WWOX: variants seen among roughly 807,000 people sequenced by gnomAD.
WWOX encodes the protein WW domain-containing oxidoreductase.
A neutral mutation model predicts 46.2 loss-of-function variants in WWOX; 69 were observed. The ratio of observed to expected loss-of-function variants is 1.49; its 90% confidence interval spans 1.23 to 1.82. The LOEUF (loss-of-function observed/expected upper bound fraction) is 1.82. WWOX is among the 40% of genes most tolerant of loss of function. WWOX has a pLI of 0.00. For synonymous variants in WWOX, 359 were observed against 202.6 expected (o/e 1.77, Z -6.56); for missense variants, 919 against 542.6 (o/e 1.69, Z -6.89).
intron 5 of WWOX, among the ~76,000 whole-genome samples, chr16:78,308,390 C>CT (rs1334006584): frequency 2.0e-5 from 3 of 152,116 alleles, no homozygotes; most frequent in Non-Finnish European, 2.9e-5. Flanking sequence ...TTATACCCTT[C>CT]TTTTTTTGGA....
chr16:78,620,715 C>T (rs753654027), intron 8 of WWOX, among the ~76,000 whole-genome samples: 26 of 152,060 alleles, frequency 1.7e-4, no homozygotes, highest in African/African-American at 4.6e-4. Context: ...TTTTGCACAG[C>T]GATGGGTTAG....
At chr16:78,880,394 G>A (rs2044318861) in intron 8 of WWOX, among the ~76,000 whole-genome samples, 1 of 152,144 alleles carries the variant, frequency 6.6e-6, no homozygotes, top group South Asian at 2.1e-4. Context: ...AGCCCTCCGG[G>A]AATTATGCGA....
chr16:78,303,490 C>T (rs543865787), intron 5 of WWOX, among the ~76,000 whole-genome samples: 4 of 152,202 alleles, frequency 2.6e-5, no homozygotes, highest in African/African-American at 9.6e-5. Context: ...CTCCACTTTT[C>T]AAATTTTCAC....
intron 8 of WWOX, among the ~76,000 whole-genome samples, chr16:78,726,872 G>C (rs181748258): frequency 6.6e-6 from 1 of 152,286 alleles, no homozygotes; most frequent in Admixed American, 6.5e-5. Flanking sequence ...GAGGGGAGCT[G>C]AGTCGGGAGT....
In WWOX at chr16:78,201,682, T is replaced by C. The variant is rs540295783; in HGVS notation, c.516+37393T>C. On this transcript the variant is annotated intron_variant, in intron 5 of 8. Coordinates refer to ENST00000566780, the MANE Select transcript of WWOX (RefSeq NM_016373.4). Reference sequence around the variant, plus strand: ...CACTGGGCATTCCTTGGATTATTTATTTATTTATTTATTTATTTATTTATT... The same window carrying C: ...CACTGGGCATTCCTTGGATTATTTACTTATTTATTTATTTATTTATTTATT... Among the ~76,000 whole-genome samples, 9 of 106,010 alleles carry C rather than the reference T, an allele frequency of 8.5e-5. No homozygotes were observed. In the East Asian group the frequency reaches 2.4e-3, roughly 29 times the overall value. 69.5% of individuals were successfully genotyped at this position (106,010 alleles called of 152,430 possible).
chr16:79,041,149 A>G (rs943225796), intron 8 of WWOX, among the ~76,000 whole-genome samples: 10 of 152,152 alleles, frequency 6.6e-5, no homozygotes, highest in Non-Finnish European at 1.5e-4. Flanking sequence ...TCTCTGACAC[A>G]ATACAGATAT....
intron 8 of WWOX, among the ~76,000 whole-genome samples, chr16:78,913,660 G>GT (rs112963247): frequency 0.14 from 20,769 of 146,672 alleles, 1,703 homozygotes; most frequent in South Asian, 0.21. Context: ...TACTGCTACA[G>GT]TTTTTTTTTT....
In WWOX at chr16:78,235,361, C is replaced by T. The variant is rs113357945; in HGVS notation, c.516+71072C>T. 5.9e-3 allele frequency among the ~76,000 whole-genome samples: 902 copies of T among 152,230 alleles called. 12 individuals are homozygous for T. The highest frequency in any genetic ancestry group is 0.02 in the African/African-American group (846 of 41,532). Reference sequence around the variant, plus strand: ...TGTTGTCTGGTGGAGGGAAACAAGCCTGCCAGGCCGGCTCATCTGACCCCT... The same window carrying T: ...TGTTGTCTGGTGGAGGGAAACAAGCTTGCCAGGCCGGCTCATCTGACCCCT... On this transcript the variant is annotated intron_variant, in intron 5 of 8. Coordinates refer to ENST00000566780, the MANE Select transcript of WWOX (RefSeq NM_016373.4).
intron 6 of WWOX, among the ~76,000 whole-genome samples, chr16:78,424,430 C>A (rs1371426084): frequency 6.6e-6 from 1 of 152,236 alleles, no homozygotes. Flanking sequence ...CTGTGTCAGC[C>A]TTTTTAACAG....
Position 78,808,715 on chromosome 16 carries a change from T to G in WWOX, c.1056+375963T>G, listed in dbSNP as rs2051106958. ...TAGTCCTCACACTAGATTGAGTGGT[T>G]CCATATTAATATCCTACGTCAAAGA... On this transcript the variant is annotated intron_variant, in intron 8 of 8. Coordinates refer to ENST00000566780, the MANE Select transcript of WWOX (RefSeq NM_016373.4). Among the ~76,000 whole-genome samples the G allele has an allele frequency of 3.9e-5, 6 of 152,304 alleles. No individual in the cohort carries two copies. In the South Asian group the frequency reaches 1.2e-3, roughly 32 times the overall value.
At chr16:78,718,176 G>C (rs1391600909) in intron 8 of WWOX, among the ~76,000 whole-genome samples, 3 of 150,588 alleles carry the variant, frequency 2.0e-5, no homozygotes, top group African/African-American at 7.4e-5. Flanking sequence ...GGCTGCCCAA[G>C]TTATTATTTT....
chr16:78,806,445 C>G (rs979179797), intron 8 of WWOX, among the ~76,000 whole-genome samples: 1 of 152,188 alleles, frequency 6.6e-6, no homozygotes, highest in Admixed American at 6.5e-5. Context: ...AACAGCTTGT[C>G]TCTGCTCCAG....
chr16:79,200,016 C>T (rs756582820), intron 8 of WWOX, among the ~76,000 whole-genome samples: 6 of 152,166 alleles, frequency 3.9e-5, no homozygotes, highest in South Asian at 4.1e-4. Context: ...GAGACTGCCC[C>T]GGTGGTTGCT....
intron 8 of WWOX, among the ~76,000 whole-genome samples, chr16:78,479,425 T>C (rs1323658733): frequency 6.6e-6 from 1 of 152,252 alleles, no homozygotes. Flanking sequence ...TTTAAAGCTT[T>C]TTATTTATAA....
intron 8 of WWOX, among the ~76,000 whole-genome samples, chr16:78,980,122 C>T (rs991867658): frequency 6.6e-6 from 1 of 152,166 alleles, no homozygotes; most frequent in Non-Finnish European, 1.5e-5. Flanking sequence ...AGCGAGACTC[C>T]ATCTCAAATC....
intron 8 of WWOX, among the ~76,000 whole-genome samples, chr16:78,804,169 TG>T (rs2050967258): frequency 1.3e-5 from 2 of 152,144 alleles, no homozygotes; most frequent in African/African-American, 4.8e-5. Flanking sequence ...TAATAAGGGC[TG>T]GGGGTCCTCT....
chr16:78,413,025 A>G (rs1275717282), intron 6 of WWOX, among the ~76,000 whole-genome samples: 2 of 152,202 alleles, frequency 1.3e-5, no homozygotes, highest in Non-Finnish European at 2.9e-5. Flanking sequence ...ACGCGTAGCA[A>G]GAATGAGCCA....
chr16:78,950,193 A>C (rs995598032), intron 8 of WWOX, among the ~76,000 whole-genome samples: 10 of 152,210 alleles, frequency 6.6e-5, no homozygotes, highest in African/African-American at 1.2e-4. Flanking sequence ...TTCCATGTCT[A>C]ATCCATCCTT....
chr16:78,854,766 A>G (rs1463129787), intron 8 of WWOX, among the ~76,000 whole-genome samples: 1 of 152,172 alleles, frequency 6.6e-6, no homozygotes, highest in Admixed American at 6.5e-5. Context: ...TTTTTAGTAA[A>G]GATGGGGTTT....
Sources: gnomAD v4.1 joint callset for allele counts (sites outside exome capture counted in the v4.1 genomes callset) on GRCh38, gnomAD v4.1.1 for gene constraint, MANE v1.5 for transcripts, NCBI Gene and HGNC (gene_info 2026-07-23, HGNC 2026-07-21) for gene names.